The following SPATA6 variants were observed in gnomAD, a reference collection of about 807,000 sequenced individuals.
SPATA6 encodes the protein spermatogenesis associated 6.
SPATA6 carries 56 observed loss-of-function variants against 65.3 expected under a neutral mutation model. The ratio of observed to expected loss-of-function variants is 0.86; its 90% confidence interval spans 0.69 to 1.07. SPATA6 has a LOEUF of 1.07. Ranked by LOEUF, SPATA6 falls within the 50% of genes least tolerant of loss-of-function variation. SPATA6 has a pLI of 0.00. For synonymous variants in SPATA6, 199 were observed against 213.2 expected, an observed-to-expected ratio of 0.93 and a Z score of 0.58; for missense variants, 590 against 594.8, an observed-to-expected ratio of 0.99 and a Z score of 0.08.
At chr1:48,403,051 C>A (rs1212432285) in intron 6 of SPATA6, among the ~76,000 whole-genome samples, 1 of 151,568 alleles carries the variant, frequency 6.6e-6, no homozygotes, top group East Asian at 1.9e-4. Flanking sequence ...TGGCATGTAC[C>A]TGTAGTCTCA....
At chr1:48,295,283 G>C (rs1557513958), downstream of SPATA6, 1 of 152,088 alleles carries the variant, frequency 6.6e-6, no homozygotes, top group Non-Finnish European at 1.5e-5. Flanking sequence ...CAAAAAACTT[G>C]TATACAAGTG....
intron 1 of SPATA6, among the ~76,000 whole-genome samples, chr1:48,460,277 T>C (rs1657329002): frequency 1.3e-5 from 2 of 152,150 alleles, no homozygotes; most frequent in Non-Finnish European, 2.9e-5. Flanking sequence ...ATTAAATCAC[T>C]TCTAAAAGGT....
chr1:48,417,721 G>C (rs1652902780), intron 3 of SPATA6, among the ~76,000 whole-genome samples: 3 of 152,050 alleles, frequency 2.0e-5, no homozygotes, highest in Non-Finnish European at 4.4e-5. Flanking sequence ...CTACTTGGGA[G>C]GCTGAAGCAG....
intron 3 of SPATA6, among the ~76,000 whole-genome samples, chr1:48,427,101 T>C (rs1430603861): frequency 2.6e-5 from 4 of 151,922 alleles, no homozygotes; most frequent in African/African-American, 9.7e-5. Flanking sequence ...AATTTTTAAT[T>C]TTTTTTGTAG....
At chr1:48,451,454 C>A (rs1323363487) in intron 3 of SPATA6, 98 bp downstream of exon 3, 9 of 1,041,396 alleles carry the variant, frequency 8.6e-6, no homozygotes. Flanking sequence ...GTTCTACTAA[C>A]CCCTTTTAAA....
At chr1:48,393,785 G>A (rs1010788182) in intron 8 of SPATA6, among the ~76,000 whole-genome samples, 2 of 152,026 alleles carry the variant, frequency 1.3e-5, no homozygotes, top group African/African-American at 4.8e-5. Flanking sequence ...CTCTCTTGTA[G>A]ATGGCTGCCT....
intron 3 of SPATA6, among the ~76,000 whole-genome samples, chr1:48,430,053 G>A (rs1654255925): frequency 6.6e-6 from 1 of 152,154 alleles, no homozygotes; most frequent in South Asian, 2.1e-4. Context: ...AGGAAAGAGA[G>A]AGAAAGGAGC....
intron 12 of SPATA6, among the ~76,000 whole-genome samples, chr1:48,299,269 T>C (rs1644873061): frequency 6.6e-6 from 1 of 151,644 alleles, no homozygotes; most frequent in Non-Finnish European, 1.5e-5. Context: ...ATCCCAGCAC[T>C]TTGGGAGGCT....
chr1:48,336,663 A>G (rs902080989), intron 11 of SPATA6, among the ~76,000 whole-genome samples: 38 of 149,694 alleles, frequency 2.5e-4, no homozygotes, highest in African/African-American at 8.5e-4. Context: ...GAAGTTCAAG[A>G]AAAAAAAAAG....
intron 3 of SPATA6, among the ~76,000 whole-genome samples, chr1:48,445,692 A>C (rs1655984820): frequency 6.8e-6 from 1 of 147,562 alleles, no homozygotes. Flanking sequence ...AAAAAAGCTA[A>C]CACATGTACC....
At chr1:48,409,297 A>G (rs1651993349) in intron 5 of SPATA6, among the ~76,000 whole-genome samples, 2 of 152,226 alleles carry the variant, frequency 1.3e-5, no homozygotes, top group Non-Finnish European at 2.9e-5. Context: ...CTTTGACTCC[A>G]TATCTCACAT....
At chr1:48,280,369 C>T in the SPATA6 span, among the ~76,000 whole-genome samples, 2 of 152,030 alleles carry the variant, frequency 1.3e-5, no homozygotes, top group Admixed American at 6.6e-5. Flanking sequence ...ACAAAAAACC[C>T]TTCAAAAAAT....
chr1:48,445,070 A>G (rs932341789), intron 3 of SPATA6, among the ~76,000 whole-genome samples: 1 of 152,218 alleles, frequency 6.6e-6, no homozygotes. Flanking sequence ...TGTATATATG[A>G]CTCAATTCCA....
chr1:48,359,891 T>C, intron 9 of SPATA6, 121 bp from the exon 10 acceptor site: 1 of 705,672 alleles, frequency 1.4e-6, no homozygotes, highest in Non-Finnish European at 2.1e-6. Context: ...ACTAATTTTA[T>C]AAAAGTAATA....
chr1:48,414,078 A>G (rs1401515878), intron 3 of SPATA6, among the ~76,000 whole-genome samples: 1 of 152,156 alleles, frequency 6.6e-6, no homozygotes, highest in Non-Finnish European at 1.5e-5. Flanking sequence ...GCTTCTTGAG[A>G]GCACTTCCAG....
At chr1:48,280,561 A>G in the SPATA6 span, among the ~76,000 whole-genome samples, 7 of 152,166 alleles carry the variant, frequency 4.6e-5, no homozygotes, top group East Asian at 1.9e-4. Context: ...ACACCTCTAC[A>G]CAAATAAACT....
At chr1:48,309,614 T>C (rs949727342) in intron 11 of SPATA6, among the ~76,000 whole-genome samples, 11 of 152,222 alleles carry the variant, frequency 7.2e-5, no homozygotes, top group Admixed American at 6.5e-4. Flanking sequence ...ATTTATGGTC[T>C]TTGTTTAGTG....
chr1:48,281,068 A>G, the SPATA6 span, among the ~76,000 whole-genome samples: 1 of 152,246 alleles, frequency 6.6e-6, no homozygotes, highest in African/African-American at 2.4e-5. Flanking sequence ...TATAAACAGA[A>G]CCAAAGACAA....
intron 11 of SPATA6, among the ~76,000 whole-genome samples, chr1:48,348,111 G>C (rs1312611182): frequency 1.3e-5 from 2 of 151,924 alleles, no homozygotes; most frequent in African/African-American, 4.8e-5. Flanking sequence ...GCTTTTGCGG[G>C]CAGTGGGCAA....
Sources: allele counts gnomAD v4.1 joint callset (sites outside exome capture counted in the v4.1 genomes callset), GRCh38; gene constraint gnomAD v4.1.1; transcripts MANE v1.5; gene names NCBI Gene and HGNC (gene_info 2026-07-23, HGNC 2026-07-21).